Variants in BLTP3B observed in about 807,000 individuals in gnomAD.
The protein encoded by BLTP3B is bridge-like lipid transfer protein family member 3B, also known as UHRF1 (ICBP90) binding protein 1-like.
the BLTP3B span, chr12:100,039,809 G>A: frequency 6.3e-7 from 1 of 1,586,940 alleles, no homozygotes; most frequent in Admixed American, 1.8e-5. Flanking sequence ...CAAATAACAT[G>A]CTCAGATAAC....
At chr12:100,103,578 A>G in the BLTP3B span, among the ~76,000 whole-genome samples, 1 of 152,206 alleles carries the variant, frequency 6.6e-6, no homozygotes, top group African/African-American at 2.4e-5. Context: ...ATAATTTACT[A>G]GATCACTAAA....
chr12:100,118,359 T>C, the BLTP3B span, among the ~76,000 whole-genome samples: 3 of 152,118 alleles, frequency 2.0e-5, no homozygotes, highest in Non-Finnish European at 4.4e-5. Flanking sequence ...ACTACTGCAC[T>C]CCAGTCTGGG....
chr12:100,117,908 G>A, the BLTP3B span, among the ~76,000 whole-genome samples: 10 of 152,042 alleles, frequency 6.6e-5, no homozygotes, highest in African/African-American at 2.2e-4. Context: ...AGTTATCTGG[G>A]GGACTCATTT....
chr12:100,040,287 T>C, the BLTP3B span, among the ~76,000 whole-genome samples: 4 of 152,112 alleles, frequency 2.6e-5, no homozygotes, highest in Non-Finnish European at 5.9e-5. Context: ...TCCCAGCACT[T>C]TGGGAGGCCT....
chr12:100,142,440 G>A, the BLTP3B span: 4 of 790,672 alleles, frequency 5.1e-6, no homozygotes, highest in Middle Eastern at 7.7e-4. Context: ...CAAGAGATCC[G>A]GGGCCGCGAC....
the BLTP3B span, chr12:100,088,824 G>A: frequency 9.8e-7 from 1 of 1,015,390 alleles, no homozygotes; most frequent in Non-Finnish European, 1.4e-6. Flanking sequence ...TATCTTACAG[G>A]ACATCCTACA....
chr12:100,074,779 A>G, the BLTP3B span, among the ~76,000 whole-genome samples: 2 of 152,274 alleles, frequency 1.3e-5, no homozygotes, highest in Admixed American at 6.5e-5. Context: ...AGCTGGAGAC[A>G]TTACATAACT....
the BLTP3B span, among the ~76,000 whole-genome samples, chr12:100,045,945 C>T: frequency 6.6e-6 from 1 of 152,022 alleles, no homozygotes; most frequent in East Asian, 1.9e-4. Context: ...TCTCAAAAGA[C>T]ATTTATGCAG....
the BLTP3B span, among the ~76,000 whole-genome samples, chr12:100,043,286 G>A: frequency 6.6e-6 from 1 of 152,304 alleles, no homozygotes; most frequent in South Asian, 2.1e-4. Context: ...TAAGGAAGAA[G>A]TTCAGCTTCC....
the BLTP3B span, among the ~76,000 whole-genome samples, chr12:100,124,975 TA>T: frequency 4.0e-5 from 4 of 99,848 alleles, no homozygotes; most frequent in African/African-American, 6.4e-5. Context: ...TATATATATA[TA>T]TATTTATATT....
At chr12:100,097,306 T>C in the BLTP3B span, 2 of 1,530,494 alleles carry the variant, frequency 1.3e-6, no homozygotes, top group South Asian at 2.5e-5. Context: ...AACACACAAA[T>C]CAAAAAGTCA....
chr12:100,074,300 G>A, the BLTP3B span, among the ~76,000 whole-genome samples: 1 of 151,906 alleles, frequency 6.6e-6, no homozygotes, highest in Non-Finnish European at 1.5e-5. Flanking sequence ...AAAGATAAAA[G>A]ATCTCTACAA....
At chr12:100,094,873 T>G in the BLTP3B span, among the ~76,000 whole-genome samples, 9 of 152,130 alleles carry the variant, frequency 5.9e-5, no homozygotes, top group Non-Finnish European at 1.2e-4. Context: ...AAAGCCTAAA[T>G]GTATGCCATT....
chr12:100,129,227 G>A, the BLTP3B span, among the ~76,000 whole-genome samples: 1 of 151,396 alleles, frequency 6.6e-6, no homozygotes, highest in Non-Finnish European at 1.5e-5. Flanking sequence ...GAGATATCCA[G>A]CAATAGGCCA....
the BLTP3B span, among the ~76,000 whole-genome samples, chr12:100,107,214 G>A: frequency 6.7e-6 from 1 of 150,042 alleles, no homozygotes; most frequent in Non-Finnish European, 1.5e-5. Context: ...CATGAACCTG[G>A]GAGGTAGAGG....
the BLTP3B span, among the ~76,000 whole-genome samples, chr12:100,043,350 C>T: frequency 2.3e-4 from 35 of 152,148 alleles, no homozygotes; most frequent in Admixed American, 1.1e-3. Flanking sequence ...CTATTCTTTC[C>T]CTCATTGACT....
chr12:100,062,719 T>C, the BLTP3B span, among the ~76,000 whole-genome samples: 1 of 152,142 alleles, frequency 6.6e-6, no homozygotes, highest in African/African-American at 2.4e-5. Context: ...CCCAGCGCTT[T>C]GGGAGGCCAA....
chr12:100,053,764 T>C, the BLTP3B span, among the ~76,000 whole-genome samples: 1 of 152,262 alleles, frequency 6.6e-6, no homozygotes, highest in East Asian at 1.9e-4. Flanking sequence ...ATAACTTCAA[T>C]TTTTACTCTA....
the BLTP3B span, among the ~76,000 whole-genome samples, chr12:100,131,165 A>G: frequency 6.6e-6 from 1 of 151,682 alleles, no homozygotes; most frequent in African/African-American, 2.4e-5. Flanking sequence ...ACAATAATTC[A>G]CCAGGCAAGG....
Sources: gnomAD v4.1 joint callset for allele counts (sites outside exome capture counted in the v4.1 genomes callset) on GRCh38, gnomAD v4.1.1 for gene constraint, MANE v1.5 for transcripts, NCBI Gene and HGNC (gene_info 2026-07-23, HGNC 2026-07-21) for gene names.